GRIN2B: variants seen among roughly 807,000 people sequenced by gnomAD.
The protein encoded by GRIN2B is glutamate receptor ionotropic, NMDA 2B.
In GRIN2B, 5 loss-of-function variants were observed where a neutral mutation model predicts 114.5. That is an observed-to-expected ratio of 0.04 (90% CI 0.02 to 0.09). The LOEUF is 0.09. Among genes scored for constraint, GRIN2B ranks in the 10% least tolerant of loss-of-function variants. The pLI is 1.00. For missense variants in GRIN2B, 1,108 were observed against 1,943.5 expected (o/e 0.57, Z 8.08); for synonymous variants, 787 against 745.1 (o/e 1.06, Z -0.92).
chr12:13,786,046 C>T (rs983127026), intron 3 of GRIN2B, among the ~76,000 whole-genome samples: 1 of 152,116 alleles, frequency 6.6e-6, no homozygotes, highest in Non-Finnish European at 1.5e-5. Context: ...TTTTGATTCC[C>T]TCAATCTTAT....
At chr12:13,737,044 A>AAG (rs1555129608) in intron 4 of GRIN2B, among the ~76,000 whole-genome samples, 14,689 of 145,724 alleles carry the variant, frequency 0.1, 925 homozygotes, top group East Asian at 0.18. Flanking sequence ...AAAAAAAAAA[A>AAG]AAGAAGAAGA....
chr12:13,642,189 A>AAAACAAACAAAC lies in GRIN2B; in HGVS notation c.1126-25544_1126-25533dup, dbSNP rs35583863. On this transcript the variant is annotated intron_variant, in intron 5 of 13. Coordinates refer to ENST00000609686, the MANE Select transcript of GRIN2B (RefSeq NM_000834.5). The stretch of plus-strand genomic sequence containing the variant: ...GGAGACAAGAGTGAGACTCTGTCTC[A>AAAACAAACAAAC]AAACAAACAAACAAACAAACAAACA... Among the ~76,000 whole-genome samples, 925 of 149,758 alleles carry AAAACAAACAAAC rather than the reference A, an allele frequency of 6.2e-3. 2 individuals carry two copies. The highest frequency in any genetic ancestry group is 8.8e-3 in the African/African-American group (358 of 40,540).
chr12:13,857,681 G>T (rs193079370), intron 3 of GRIN2B, among the ~76,000 whole-genome samples: 1 of 152,248 alleles, frequency 6.6e-6, no homozygotes, highest in East Asian at 1.9e-4. Flanking sequence ...TTGAGACACA[G>T]TGTACTACAC....
intron 2 of GRIN2B, among the ~76,000 whole-genome samples, chr12:13,952,074 G>A (rs2136849528): frequency 6.6e-6 from 1 of 151,688 alleles, no homozygotes; most frequent in East Asian, 1.9e-4. Context: ...TTTTTTTTTG[G>A]TTGGGGGTGT....
At chr12:13,973,467 G>C (rs865991686) in intron 2 of GRIN2B, among the ~76,000 whole-genome samples, 1 of 152,012 alleles carries the variant, frequency 6.6e-6, no homozygotes, top group East Asian at 1.9e-4. Flanking sequence ...CAGACTTTAC[G>C]CTCCCCATCA....
intron 2 of GRIN2B, among the ~76,000 whole-genome samples, chr12:13,884,554 C>A (rs184412651): frequency 6.6e-6 from 1 of 152,008 alleles, no homozygotes; most frequent in East Asian, 1.9e-4. Context: ...GTCATGTTGC[C>A]TGGGAGTAAT....
At chr12:13,749,674 T>C (rs774541940) in intron 4 of GRIN2B, among the ~76,000 whole-genome samples, 1 of 152,016 alleles carries the variant, frequency 6.6e-6, no homozygotes, top group African/African-American at 2.4e-5. Flanking sequence ...TCTGAAGGGG[T>C]GGAGAGTCTG....
chr12:13,825,514 G>T (rs1865019953), intron 3 of GRIN2B, among the ~76,000 whole-genome samples: 1 of 145,066 alleles, frequency 6.9e-6, no homozygotes, highest in African/African-American at 2.5e-5. Flanking sequence ...GTGTGTGTGT[G>T]TGTGTGTGTG....
chr12:13,586,317 C>A (rs748425522), intron 10 of GRIN2B, among the ~76,000 whole-genome samples: 1 of 152,126 alleles, frequency 6.6e-6, no homozygotes, highest in Non-Finnish European at 1.5e-5. Flanking sequence ...TTAATAATTT[C>A]TTTATATAAG....
chr12:13,919,426 T>C (rs1591621446), intron 2 of GRIN2B, among the ~76,000 whole-genome samples: 1 of 152,234 alleles, frequency 6.6e-6, no homozygotes, highest in East Asian at 1.9e-4. Flanking sequence ...TTTTCTAAAA[T>C]TCAAACTCTT....
At chr12:13,781,866 G>C (rs1864121997) in intron 3 of GRIN2B, among the ~76,000 whole-genome samples, 1 of 152,184 alleles carries the variant, frequency 6.6e-6, no homozygotes, top group Non-Finnish European at 1.5e-5. Flanking sequence ...CACTCAGTGA[G>C]ATGTTGAACT....
chr12:13,920,115 A>G (rs535131765), intron 2 of GRIN2B, among the ~76,000 whole-genome samples: 5 of 151,998 alleles, frequency 3.3e-5, no homozygotes, highest in Admixed American at 3.3e-4. Flanking sequence ...AAAAGGAATT[A>G]GAGCTGGGTG....
rs772364390 is a variant in GRIN2B at position 13,564,064 on chromosome 12, G to C, written c.3174C>G (p.Ser1058=). 5.6e-6 allele frequency: 9 copies of C among 1,614,036 alleles called. No homozygotes were observed. The East Asian group carries it at 2.0e-4, about 36-fold the overall frequency. ...TGTGGGTTGAGATGTCAGAGACATC[G>C]GAGCGGATCAAGTCGTCGTGGCCAC... ...RYSGHDDLIR[S]DVSDISTHTV... is the part of the protein sequence containing the mutation. The change falls in exon 14 of 14, where the codon TCC becomes TCG. Residue 1058 remains serine, a synonymous_variant. Transcript: ENST00000609686. This position sits in a 1 kb window ranked among gnomAD's most constrained non-coding sequence, Gnocchi z 4.8.
At chr12:13,739,718 T>C (rs1313630206) in intron 4 of GRIN2B, among the ~76,000 whole-genome samples, 1 of 151,850 alleles carries the variant, frequency 6.6e-6, no homozygotes, top group Admixed American at 6.6e-5. Flanking sequence ...TTGGCTAAGG[T>C]GGTTAATTTT....
At chr12:13,829,164 T>C (rs1229780943) in intron 3 of GRIN2B, among the ~76,000 whole-genome samples, 1 of 152,154 alleles carries the variant, frequency 6.6e-6, no homozygotes, top group Non-Finnish European at 1.5e-5. Context: ...GAACACACAA[T>C]ACAAATTAGC....
At chr12:13,966,976 T>C (rs1867798891) in intron 2 of GRIN2B, among the ~76,000 whole-genome samples, 2 of 152,214 alleles carry the variant, frequency 1.3e-5, no homozygotes, top group South Asian at 4.1e-4. Context: ...TTTCTGCCTC[T>C]GCCACCATGT....
At chr12:13,957,506 C>A (rs979476121) in intron 2 of GRIN2B, among the ~76,000 whole-genome samples, 4 of 152,102 alleles carry the variant, frequency 2.6e-5, no homozygotes, top group African/African-American at 9.7e-5. Flanking sequence ...ATGGAGAAGG[C>A]TAATGCTATA....
chr12:13,832,706 C>T (rs1467624418), intron 3 of GRIN2B, among the ~76,000 whole-genome samples: 1 of 152,174 alleles, frequency 6.6e-6, no homozygotes, highest in African/African-American at 2.4e-5. Flanking sequence ...AGCCCTTCAT[C>T]ACTGAACATG....
At chr12:13,576,385 C>T (rs909342444) in intron 10 of GRIN2B, among the ~76,000 whole-genome samples, 1 of 152,028 alleles carries the variant, frequency 6.6e-6, no homozygotes, top group South Asian at 2.1e-4. Context: ...CTGTCAAGAA[C>T]CAGAATGTCT....
Sources: allele counts gnomAD v4.1 joint callset (sites outside exome capture counted in the v4.1 genomes callset), GRCh38; gene constraint gnomAD v4.1.1; non-coding constraint Gnocchi (gnomAD v3.1); transcripts MANE v1.5; gene names NCBI Gene and HGNC (gene_info 2026-07-23, HGNC 2026-07-21).